Variants in PRDM16 observed in about 807,000 individuals in gnomAD.
The protein encoded by PRDM16 is histone-lysine N-methyltransferase PRDM16.
A neutral mutation model predicts 110.6 loss-of-function variants in PRDM16; 23 were observed. The ratio of observed to expected loss-of-function variants is 0.21; its 90% CI spans 0.15 to 0.29. The LOEUF is 0.29. Ranked by LOEUF, PRDM16 falls within the 10% of genes least tolerant of loss-of-function variation. The pLI is 1.00. For synonymous variants in PRDM16, 799 were observed against 781.8 expected, an observed-to-expected ratio of 1.02 and a Z score of -0.37; for missense variants, 1,615 against 1,794.3, an observed-to-expected ratio of 0.90 and a Z score of 1.81.
chr1:3,176,764 C>T (rs111063485), intron 1 of PRDM16, among the ~76,000 whole-genome samples: 32,620 of 151,126 alleles, frequency 0.22, 4,735 homozygotes, highest in African/African-American at 0.41. Flanking sequence ...ATCCATCCCT[C>T]CATCCATCCA....
chr1:3,176,476 C>A (rs1300919467), intron 1 of PRDM16, among the ~76,000 whole-genome samples: 1 of 147,912 alleles, frequency 6.8e-6, no homozygotes, highest in Non-Finnish European at 1.5e-5. Flanking sequence ...TGGCAGACAC[C>A]AGGCTGCATC....
At chr1:3,119,159 A>ACCG (rs1643035048) in intron 1 of PRDM16, among the ~76,000 whole-genome samples, 1 of 152,076 alleles carries the variant, frequency 6.6e-6, no homozygotes, top group Non-Finnish European at 1.5e-5. Flanking sequence ...ACAGCTATCG[A>ACCG]CCCAGGGCTG....
chr1:3,305,012 A>G (rs1641282771), intron 3 of PRDM16, among the ~76,000 whole-genome samples: 1 of 152,154 alleles, frequency 6.6e-6, no homozygotes, highest in Non-Finnish European at 1.5e-5. Context: ...ACTTCTGACC[A>G]ATCGAGTGAA....
rs1273101290 is a variant in PRDM16 at position 3,390,134 on chromosome 1, C to G, written c.573+4848C>G. 6.6e-6 allele frequency among the ~76,000 whole-genome samples: 1 copy of G among 152,198 alleles called. No homozygotes were observed. The highest frequency in any genetic ancestry group is 1.5e-5 in the Non-Finnish European group (1 of 68,040). On this transcript the variant is annotated intron_variant, in intron 4 of 16. Transcript: ENST00000270722. The surrounding 1 kb of genome is among the most constrained non-coding windows in gnomAD (Gnocchi z 5.0). Reference sequence around the variant, plus strand: ...TTAACGTGAAGAAAGAAAACAAGAGCTTGGCGATGAAGCGCCTGCGGGGGG... The same window carrying G: ...TTAACGTGAAGAAAGAAAACAAGAGGTTGGCGATGAAGCGCCTGCGGGGGG...
At position 3,437,769 on chromosome 1, in the gene PRDM16, A is replaced by G. The variant is rs1468381384; in HGVS notation, c.*3958A>G. On this transcript the variant is annotated 3_prime_UTR_variant, in exon 17 of 17. Transcript: ENST00000270722. ...TTTGGAAAAAAATAAATAAATAAAT[A>G]AATAAAAGGCAGCTTGAGTTTCCAA... 4.6e-6 allele frequency: 1 copy of G among 218,660 alleles called. No individual in the cohort carries two copies. Among genetic ancestry groups the G allele is most frequent in the Non-Finnish European group, 9.2e-6 (1 of 108,972 alleles). 13.5% of individuals were successfully genotyped at this position (218,660 alleles called of 1,614,324 possible).
intron 1 of PRDM16, among the ~76,000 whole-genome samples, chr1:3,144,341 G>A (rs772203327): frequency 1.5e-4 from 23 of 152,176 alleles, no homozygotes; most frequent in Non-Finnish European, 2.9e-4. Flanking sequence ...TGTGGCTTTG[G>A]GAAAGGCTCC....
chr1:3,269,910 C>A (rs191535311), intron 3 of PRDM16, among the ~76,000 whole-genome samples: 111 of 148,606 alleles, frequency 7.5e-4, no homozygotes, highest in African/African-American at 2.4e-3. Flanking sequence ...CAGAGGAGGA[C>A]AGTCCAGGAG....
intron 1 of PRDM16, among the ~76,000 whole-genome samples, chr1:3,107,640 C>A (rs1187145733): frequency 2.0e-5 from 3 of 152,216 alleles, no homozygotes; most frequent in South Asian, 4.1e-4. Context: ...GTGTCACAAT[C>A]ATCATGGAAG....
intron 3 of PRDM16, among the ~76,000 whole-genome samples, chr1:3,277,731 GCGCACACA>G (rs1488424634): frequency 6.7e-6 from 1 of 149,892 alleles, no homozygotes; most frequent in African/African-American, 2.5e-5. Context: ...ACACACACGC[GCGCACACA>G]CGCACACGCA....
Position 3,096,118 on chromosome 1 carries a change from C to A in PRDM16, c.37+26822C>A, listed in dbSNP as rs151097136. On this transcript the variant is annotated intron_variant, in intron 1 of 16. Transcript: ENST00000270722. Reference sequence around the variant, plus strand: ...GTCTATTTGGGGTGCAGGGTACGCACCCCATGCTTAGAATGTTCTGGACCC... The same window carrying A: ...GTCTATTTGGGGTGCAGGGTACGCAACCCATGCTTAGAATGTTCTGGACCC... Among the ~76,000 whole-genome samples the A allele has an allele frequency of 1.2e-4, 18 of 152,270 alleles. 1 individual carries two copies. The highest frequency in any genetic ancestry group is 5.2e-4 in the Admixed American group (8 of 15,304).
rs1638575874 is a variant in PRDM16, at chr1:3,425,461, G to C, written c.2940-120G>C. On this transcript the variant is annotated intron_variant, in intron 12 of 16. Coordinates refer to ENST00000270722, the MANE Select transcript of PRDM16 (RefSeq NM_022114.4). This position sits in a 1 kb window ranked among gnomAD's most constrained non-coding sequence, Gnocchi z 6.9. ...ATCCAGCAACCTCCGGGACACGGCG[G>C]GGCAAAGCTGTGCACGGGGCACGGG... 1.8e-6 allele frequency: 2 copies of C among 1,096,468 alleles called. No individual in the cohort carries two copies. The highest frequency in any genetic ancestry group is 3.1e-5 in the African/African-American group (2 of 63,714). 67.9% of individuals were successfully genotyped at this position (1,096,468 alleles called of 1,614,324 possible).
rs1639794588 is a variant in PRDM16, at chr1:3,246,554, A to C, written c.438+2417A>C. 6.6e-6 allele frequency among the ~76,000 whole-genome samples: 1 copy of C among 152,232 alleles called. No individual in the cohort carries two copies. Among genetic ancestry groups the C allele is most frequent in the Non-Finnish European group, 1.5e-5 (1 of 68,034 alleles). On this transcript the variant is annotated intron_variant, in intron 3 of 16. Transcript: ENST00000270722. This position sits in a 1 kb window ranked among gnomAD's most constrained non-coding sequence, Gnocchi z 5.2. The stretch of plus-strand genomic sequence containing the variant: ...GGGCTCCTCCCTGCCGCTGCCCTGC[A>C]GGCCCAGTCCGAGGGGCTGGGGGCT...
chr1:3,299,349 T>A (rs568655779), intron 3 of PRDM16, among the ~76,000 whole-genome samples: 1 of 94,726 alleles, frequency 1.1e-5, no homozygotes, highest in Non-Finnish European at 2.4e-5. Flanking sequence ...TTGAAGATGC[T>A]ATGCTGTGGC....
At chr1:3,139,226 C>T (rs1643497793) in intron 1 of PRDM16, among the ~76,000 whole-genome samples, 1 of 152,172 alleles carries the variant, frequency 6.6e-6, no homozygotes, top group African/African-American at 2.4e-5. Context: ...CACCGGGCCT[C>T]CCCTATGTGG....
At chr1:3,178,573 TA>T (rs1644116845) in intron 1 of PRDM16, among the ~76,000 whole-genome samples, 1 of 152,128 alleles carries the variant, frequency 6.6e-6, no homozygotes, top group South Asian at 2.1e-4. Flanking sequence ...TCAGGGTCAA[TA>T]AGGGTTTCAG....
At chr1:3,111,040 C>A (rs1642779914) in intron 1 of PRDM16, among the ~76,000 whole-genome samples, 3 of 152,172 alleles carry the variant, frequency 2.0e-5, no homozygotes, top group Non-Finnish European at 4.4e-5. Context: ...ATTGAGGAAT[C>A]CCTGGGCCCC....
intron 1 of PRDM16, among the ~76,000 whole-genome samples, chr1:3,125,647 G>A (rs1643189016): frequency 6.6e-6 from 1 of 152,278 alleles, no homozygotes; most frequent in Non-Finnish European, 1.5e-5. Flanking sequence ...AATTTTTTAA[G>A]GGAAGAAAGG....
At chr1:3,373,414 G>A (rs1450312482) in intron 3 of PRDM16, among the ~76,000 whole-genome samples, 2 of 152,168 alleles carry the variant, frequency 1.3e-5, no homozygotes, top group African/African-American at 2.4e-5. Flanking sequence ...ACACCTCCTC[G>A]GGGAGCCAGG....
intron 14 of PRDM16, among the ~76,000 whole-genome samples, chr1:3,426,649 C>T (rs925675918): frequency 5.9e-5 from 9 of 152,210 alleles, no homozygotes; most frequent in Middle Eastern, 3.2e-3. Context: ...CATGCACGCA[C>T]ACACATGCAC....
Sources: allele counts gnomAD v4.1 joint callset (sites outside exome capture counted in the v4.1 genomes callset), GRCh38; gene constraint gnomAD v4.1.1; non-coding constraint Gnocchi (gnomAD v3.1); transcripts MANE v1.5; gene names NCBI Gene and HGNC (gene_info 2026-07-23, HGNC 2026-07-21).